Variants in SUCLG2 observed in about 807,000 individuals in gnomAD.
The protein encoded by SUCLG2 is succinate--CoA ligase [GDP-forming] subunit beta, mitochondrial.
SUCLG2 carries 42 observed loss-of-function variants against 47.9 expected under a neutral mutation model. The observed-to-expected ratio is 0.88, with a 90% CI of 0.69 to 1.14. SUCLG2 has a LOEUF of 1.14. Ranked by LOEUF, SUCLG2 falls within the 50% of genes most tolerant of loss-of-function variation. SUCLG2 has a pLI of 0.00. For synonymous variants in SUCLG2, 195 were observed against 197.3 expected (o/e 0.99, Z 0.10); for missense variants, 571 against 525.9 (o/e 1.09, Z -0.84).
intron 9 of SUCLG2, among the ~76,000 whole-genome samples, chr3:67,493,117 A>T (rs1001248670): frequency 1.5e-4 from 23 of 152,190 alleles, no homozygotes; most frequent in African/African-American, 5.5e-4. Flanking sequence ...AGGAACCTCT[A>T]CTTTTGGGCA....
intron 9 of SUCLG2, among the ~76,000 whole-genome samples, chr3:67,486,347 T>A (rs956916653): frequency 6.6e-6 from 1 of 152,186 alleles, no homozygotes; most frequent in Non-Finnish European, 1.5e-5. Flanking sequence ...ATATAATCTA[T>A]GAAAAGCTGC....
chr3:67,586,648 C>A (rs2059251961), intron 2 of SUCLG2, among the ~76,000 whole-genome samples: 1 of 152,110 alleles, frequency 6.6e-6, no homozygotes, highest in Non-Finnish European at 1.5e-5. Flanking sequence ...TTTATATGTT[C>A]TGTTGGATGA....
Position 67,632,587 on chromosome 3 carries a change from T to C in SUCLG2, c.84+21916A>G, listed in dbSNP as rs185203894. The stretch of plus-strand genomic sequence containing the variant: ...TGTGGTTAAGATCATGGACACTGGA[T>C]CACGGACTTGTTTGAGCCCTGGCCC... On this transcript the variant is annotated intron_variant, in intron 1 of 10. Transcript: ENST00000307227. Among the ~76,000 whole-genome samples, 170 of 152,202 alleles carry C rather than the reference T, an allele frequency of 1.1e-3. 1 individual carries two copies. Among genetic ancestry groups the C allele is most frequent in the African/African-American group, 4.0e-3 (166 of 41,532 alleles).
intron 2 of SUCLG2, among the ~76,000 whole-genome samples, chr3:67,597,047 G>A (rs1290698809): frequency 6.6e-6 from 1 of 152,194 alleles, no homozygotes; most frequent in Middle Eastern, 3.2e-3. Context: ...AGGGATCAGA[G>A]AGAACCCACA....
chr3:67,588,624 C>T (rs1356069326), intron 2 of SUCLG2, among the ~76,000 whole-genome samples: 1 of 152,166 alleles, frequency 6.6e-6, no homozygotes, highest in South Asian at 2.1e-4. Context: ...ATACCCAACA[C>T]CAAGAGCATG....
intron 10 of SUCLG2, among the ~76,000 whole-genome samples, chr3:67,380,259 C>T (rs1392746884): frequency 6.6e-6 from 1 of 150,914 alleles, no homozygotes; most frequent in Non-Finnish European, 1.5e-5. Context: ...GCTGGCTGTG[C>T]TCACTGCCCT....
chr3:67,495,211 A>G (rs1322116622), intron 9 of SUCLG2, among the ~76,000 whole-genome samples: 1 of 152,096 alleles, frequency 6.6e-6, no homozygotes, highest in Non-Finnish European at 1.5e-5. Context: ...TACCCAAATA[A>G]AGTTCATGCC....
At chr3:67,541,386 A>G (rs933881639) in intron 2 of SUCLG2, among the ~76,000 whole-genome samples, 7 of 152,194 alleles carry the variant, frequency 4.6e-5, no homozygotes, top group African/African-American at 1.7e-4. Context: ...GCTGAAGGAT[A>G]CACAAGTATC....
intron 10 of SUCLG2, among the ~76,000 whole-genome samples, chr3:67,391,994 T>A (rs898254239): frequency 3.3e-5 from 5 of 152,186 alleles, no homozygotes; most frequent in African/African-American, 1.2e-4. Flanking sequence ...GAGACGTGGC[T>A]CTTGGAGGAG....
At chr3:67,537,029 T>C (rs1009884422) in intron 2 of SUCLG2, among the ~76,000 whole-genome samples, 1 of 152,170 alleles carries the variant, frequency 6.6e-6, no homozygotes, top group African/African-American at 2.4e-5. Flanking sequence ...TGTACAGTCA[T>C]TAACAATAAT....
intron 10 of SUCLG2, among the ~76,000 whole-genome samples, chr3:67,369,232 T>C (rs1179042855): frequency 6.6e-6 from 1 of 152,180 alleles, no homozygotes; most frequent in Admixed American, 6.5e-5. Flanking sequence ...CACGAATAGG[T>C]TCTTTAGGGA....
At chr3:67,420,025 G>C (rs1703119935) in intron 9 of SUCLG2, among the ~76,000 whole-genome samples, 1 of 152,176 alleles carries the variant, frequency 6.6e-6, no homozygotes, top group Non-Finnish European at 1.5e-5. Context: ...GGAAGCTGTA[G>C]GCTTTGATAT....
At chr3:67,434,643 A>T (rs1703572081) in intron 9 of SUCLG2, among the ~76,000 whole-genome samples, 1 of 152,238 alleles carries the variant, frequency 6.6e-6, no homozygotes, top group African/African-American at 2.4e-5. Flanking sequence ...GAGAAGGGGA[A>T]GGCCAGCAGT....
At chr3:67,546,595 C>T (rs554980841) in intron 2 of SUCLG2, among the ~76,000 whole-genome samples, 1 of 152,218 alleles carries the variant, frequency 6.6e-6, no homozygotes, top group East Asian at 1.9e-4. Context: ...ATTAGCCGGG[C>T]GTGGTAGCAC....
chr3:67,566,922 C>T (rs1422056072), intron 2 of SUCLG2, among the ~76,000 whole-genome samples: 16 of 152,228 alleles, frequency 1.1e-4, no homozygotes, highest in Admixed American at 7.8e-4. Flanking sequence ...TGGTGGCACA[C>T]GCCTGTAATC....
intron 5 of SUCLG2, among the ~76,000 whole-genome samples, chr3:67,518,636 T>C (rs1299344702): frequency 1.3e-5 from 2 of 152,246 alleles, no homozygotes. Context: ...ATTTAGTCAG[T>C]TAATTTTTTG....
chr3:67,403,098 A>T (rs1702724134), intron 9 of SUCLG2, among the ~76,000 whole-genome samples: 1 of 152,152 alleles, frequency 6.6e-6, no homozygotes, highest in Non-Finnish European at 1.5e-5. Flanking sequence ...TTAGAGTCCG[A>T]TGTTAAAAAT....
chr3:67,367,416 A>G (rs1701891452), intron 10 of SUCLG2, among the ~76,000 whole-genome samples: 1 of 152,174 alleles, frequency 6.6e-6, no homozygotes, highest in South Asian at 2.1e-4. Context: ...ATCTTTTTAA[A>G]TTTAATATAT....
chr3:67,581,991 T>A (rs868110333), intron 2 of SUCLG2, among the ~76,000 whole-genome samples: 1 of 152,206 alleles, frequency 6.6e-6, no homozygotes, highest in Non-Finnish European at 1.5e-5. Flanking sequence ...GAAGCCAAAT[T>A]AGGAACTCTG....
Sources: allele counts gnomAD v4.1 joint callset (sites outside exome capture counted in the v4.1 genomes callset), GRCh38; gene constraint gnomAD v4.1.1; transcripts MANE v1.5; gene names NCBI Gene and HGNC (gene_info 2026-07-23, HGNC 2026-07-21).